MAN2A1: variants seen among roughly 807,000 people sequenced by gnomAD.
MAN2A1 encodes the protein mannosidase alpha class 2A member 1, also known as alpha-mannosidase 2.
A neutral mutation model predicts 142.6 loss-of-function variants in MAN2A1; 76 were observed. The observed-to-expected ratio is 0.53, with a 90% CI of 0.44 to 0.65. The LOEUF (loss-of-function observed/expected upper bound fraction) is 0.65. Ranked by LOEUF, MAN2A1 falls within the 30% of genes least tolerant of loss-of-function variation. MAN2A1 has a pLI of 0.00. For synonymous variants in MAN2A1, 559 were observed against 473.2 expected (o/e 1.18, Z -2.35); for missense variants, 1,311 against 1,365.1 (o/e 0.96, Z 0.62).
In MAN2A1 at chr5:109,710,947, C is replaced by T. The variant is rs181439232; in HGVS notation, c.136-2573C>T. ...TCAGGTGATCCGCCCGCTTCGGACT[C>T]CCAAAGTGCTGGGATTACAGGCGTG... On this transcript the variant is annotated intron_variant, in intron 1 of 21. Coordinates refer to ENST00000261483, the MANE Select transcript of MAN2A1 (RefSeq NM_002372.4). 5.8e-3 allele frequency among the ~76,000 whole-genome samples: 887 copies of T among 152,274 alleles called. 8 individuals carry two copies. Among genetic ancestry groups the T allele is most frequent in the Non-Finnish European group, 8.9e-3 (607 of 67,992 alleles).
At chr5:109,857,844 G>C (rs1021840766) in intron 20 of MAN2A1, among the ~76,000 whole-genome samples, 1 of 152,106 alleles carries the variant, frequency 6.6e-6, no homozygotes, top group African/African-American at 2.4e-5. Context: ...GTTGCTCTTC[G>C]TGCCTTTGGA....
chr5:109,758,730 T>C (rs11741294), intron 5 of MAN2A1, among the ~76,000 whole-genome samples: 1 of 149,242 alleles, frequency 6.7e-6, no homozygotes, highest in African/African-American at 2.4e-5. Flanking sequence ...AATATAATTG[T>C]TATATTAACT....
chr5:109,857,096 A>G (rs1297779882), intron 20 of MAN2A1, among the ~76,000 whole-genome samples: 6 of 152,192 alleles, frequency 3.9e-5, no homozygotes. Context: ...TCAGAGAATA[A>G]GAGACTCCTG....
At chr5:109,818,324 G>A (rs990055305) in intron 13 of MAN2A1, among the ~76,000 whole-genome samples, 4 of 151,998 alleles carry the variant, frequency 2.6e-5, no homozygotes, top group African/African-American at 9.7e-5. Context: ...TTTTAGTAGA[G>A]AGGGGGTTTC....
At chr5:109,820,913 GCT>G (rs766864947) in intron 15 of MAN2A1, among the ~76,000 whole-genome samples, 2 of 152,204 alleles carry the variant, frequency 1.3e-5, no homozygotes, top group Non-Finnish European at 2.9e-5. Context: ...GAGTTAGGGA[GCT>G]TTATATGTAT....
intron 20 of MAN2A1, among the ~76,000 whole-genome samples, 165 bp downstream of exon 20, chr5:109,855,499 G>A (rs181119251): frequency 1.3e-4 from 20 of 152,232 alleles, no homozygotes; most frequent in African/African-American, 4.8e-4. Flanking sequence ...TTTGACTATT[G>A]CTGTATATTT....
chr5:109,775,130 T>A (rs557266176), intron 8 of MAN2A1, among the ~76,000 whole-genome samples, 165 bp downstream of exon 8: 1 of 152,194 alleles, frequency 6.6e-6, no homozygotes, highest in South Asian at 2.1e-4. Context: ...TATTATATGC[T>A]ATAGTTCCAT....
At position 109,770,314 on chromosome 5, in the gene MAN2A1, AT is replaced by A. The variant is rs374804504; in HGVS notation, c.1010-37del. The stretch of plus-strand genomic sequence containing the variant: ...TTTTGAATATTTTTTGGGAAAACAG[AT>A]TTTATAAATGCAGGTTTGTGTGTTG... On this transcript the variant is annotated intron_variant, in intron 6 of 21. Transcript: ENST00000261483. 1.0e-4 allele frequency: 157 copies of A among 1,571,762 alleles called. No homozygotes were observed. In the African/African-American group the frequency reaches 1.9e-3, roughly 19 times the overall value.
chr5:109,704,199 C>A (rs530294985), intron 1 of MAN2A1, among the ~76,000 whole-genome samples: 1 of 152,290 alleles, frequency 6.6e-6, no homozygotes, highest in African/African-American at 2.4e-5. Context: ...CCAGCTTTTC[C>A]CTTCACAGTC....
intron 3 of MAN2A1, among the ~76,000 whole-genome samples, chr5:109,725,863 A>G (rs541965999): frequency 1.3e-5 from 2 of 152,286 alleles, no homozygotes; most frequent in South Asian, 2.1e-4. Context: ...TGAACATTGA[A>G]TGTAGACAAT....
At chr5:109,727,143 G>T (rs1225934905) in intron 3 of MAN2A1, among the ~76,000 whole-genome samples, 6 of 152,154 alleles carry the variant, frequency 3.9e-5, no homozygotes, top group Non-Finnish European at 5.9e-5. Context: ...TAATGACGCT[G>T]ATTTGTTCTA....
At chr5:109,784,678 C>G in intron 9 of MAN2A1, 66 bp from the exon 10 acceptor site, 1 of 1,281,152 alleles carries the variant, frequency 7.8e-7, no homozygotes, top group Non-Finnish European at 1.1e-6. Context: ...GTATCAATGT[C>G]ACAAGTTTTA....
intron 20 of MAN2A1, chr5:109,863,384 T>C (rs911504723): frequency 6.6e-6 from 1 of 152,194 alleles, no homozygotes; most frequent in Non-Finnish European, 1.5e-5. Flanking sequence ...CTTCATTTTA[T>C]GGAAAAGGAA....
chr5:109,788,332 T>C (rs1277573428), intron 10 of MAN2A1, among the ~76,000 whole-genome samples: 1 of 151,316 alleles, frequency 6.6e-6, no homozygotes, highest in Non-Finnish European at 1.5e-5. Flanking sequence ...TCCTTAGACA[T>C]AAAAATACAA....
Position 109,755,445 on chromosome 5 carries a change from A to C in MAN2A1, c.824A>C (p.Glu275Ala). ...DQLIEGHQWL[E>A]NNIGVKPRSG... ...CTAATTGAAGGACATCAGTGGCTGG[A>C]AAATAATATAGGTATGTATTGGTAT... The change falls in exon 5 of 22, where the codon GAA becomes GCA. Residue 275 changes from glutamate to alanine, a missense_variant. Coordinates refer to ENST00000261483, the MANE Select transcript of MAN2A1 (RefSeq NM_002372.4). The C allele has an allele frequency of 6.2e-7, 1 of 1,611,124 alleles. No homozygotes were observed. The highest frequency in any genetic ancestry group is 8.5e-7 in the Non-Finnish European group (1 of 1,177,674).
intron 15 of MAN2A1, among the ~76,000 whole-genome samples, chr5:109,821,981 G>A (rs1044696609): frequency 2.0e-5 from 3 of 151,716 alleles, no homozygotes; most frequent in African/African-American, 7.3e-5. Flanking sequence ...TCAGTGAAAT[G>A]TTATCCTAAT....
intron 16 of MAN2A1, chr5:109,840,595 C>G (rs1755176084): frequency 1.2e-5 from 6 of 495,130 alleles, no homozygotes; most frequent in South Asian, 4.4e-5. Context: ...ACAGGGCCAT[C>G]TTCTGCCTTT....
chr5:109,844,018 A>C (rs1299875453), intron 17 of MAN2A1, among the ~76,000 whole-genome samples: 1 of 149,412 alleles, frequency 6.7e-6, no homozygotes, highest in Non-Finnish European at 1.5e-5. Context: ...TAAAAATTGC[A>C]GCATACATTC....
chr5:109,696,641 G>C (rs1472644315), intron 1 of MAN2A1, among the ~76,000 whole-genome samples: 1 of 152,158 alleles, frequency 6.6e-6, no homozygotes. Context: ...CAACATCACT[G>C]TTCTCTCTCT....
Sources: allele counts gnomAD v4.1 joint callset (sites outside exome capture counted in the v4.1 genomes callset), GRCh38; gene constraint gnomAD v4.1.1; transcripts MANE v1.5; gene names NCBI Gene and HGNC (gene_info 2026-07-23, HGNC 2026-07-21).